The following RBFOX1 variants were observed in gnomAD, a reference collection of about 807,000 sequenced individuals.
The protein encoded by RBFOX1 is RNA binding fox-1 homolog 1.
Under a neutral mutation model 57.7 loss-of-function variants are expected in RBFOX1, and 8 were observed. The ratio of observed to expected loss-of-function variants is 0.14; its 90% CI spans 0.08 to 0.25. RBFOX1 has a LOEUF of 0.25. RBFOX1 is among the 10% of genes least tolerant of loss of function. The pLI, the probability that RBFOX1 is intolerant of heterozygous loss-of-function variation, is 1.00. For synonymous variants in RBFOX1, 326 were observed against 222.4 expected (o/e 1.47, Z -4.15); for missense variants, 611 against 548.5 (o/e 1.11, Z -1.14).
intron 14 of RBFOX1, among the ~76,000 whole-genome samples, chr16:7,701,288 C>T (rs2080618620): frequency 6.6e-6 from 1 of 151,962 alleles, no homozygotes; most frequent in East Asian, 1.9e-4. Flanking sequence ...CAACTGGACA[C>T]ACAGCAGGTG....
At position 5,840,290 on chromosome 16, in the gene RBFOX1, C is replaced by T. The variant is rs930983530; in HGVS notation, c.319-27013C>T. Among the ~76,000 whole-genome samples the T allele has an allele frequency of 3.5e-4, 54 of 152,282 alleles. 1 individual carries two copies. Among genetic ancestry groups the T allele is most frequent in the Admixed American group, 3.0e-3 (46 of 15,298 alleles). ...GCGCTGTCCTTGGTTGAACCAGAGGCAGAACATCTGCATGGCAGTGAATCA... is the reference window on the plus strand; with the variant it reads ...GCGCTGTCCTTGGTTGAACCAGAGGTAGAACATCTGCATGGCAGTGAATCA... On this transcript the variant is annotated intron_variant, in intron 3 of 19. Coordinates refer to the RBFOX1 transcript ENST00000641259.
chr16:6,269,717 A>C (rs1671595343), intron 1 of RBFOX1, among the ~76,000 whole-genome samples: 1 of 152,216 alleles, frequency 6.6e-6, no homozygotes, highest in African/African-American at 2.4e-5. Context: ...CAGCTGGTCT[A>C]CCTTAAAAGA....
At chr16:6,842,629 A>C in intron 3 of RBFOX1, among the ~76,000 whole-genome samples, 1 of 108,768 alleles carries the variant, frequency 9.2e-6, no homozygotes, top group Admixed American at 9.8e-5. Context: ...AGACATTTAG[A>C]CTGTTTTTTT....
intron 3 of RBFOX1, among the ~76,000 whole-genome samples, chr16:6,824,020 T>C (rs2091762029): frequency 6.6e-6 from 1 of 152,190 alleles, no homozygotes; most frequent in Admixed American, 6.5e-5. Context: ...GTGGAGAAAG[T>C]GTAGAGTTCT....
intron 1 of RBFOX1, among the ~76,000 whole-genome samples, chr16:5,451,279 G>A (rs2068418760): frequency 1.3e-5 from 2 of 152,148 alleles, no homozygotes; most frequent in Admixed American, 1.3e-4. Flanking sequence ...GAAGGATCAG[G>A]AAATGAGAGA....
intron 4 of RBFOX1, among the ~76,000 whole-genome samples, chr16:7,103,974 C>G (rs1049177256): frequency 2.0e-5 from 3 of 152,190 alleles, no homozygotes; most frequent in Non-Finnish European, 2.9e-5. Flanking sequence ...GTTTACACAA[C>G]TTGCTCCCTA....
intron 3 of RBFOX1, among the ~76,000 whole-genome samples, chr16:6,939,291 G>C (rs544798868): frequency 1.1e-4 from 16 of 151,970 alleles, no homozygotes; most frequent in Non-Finnish European, 1.6e-4. Context: ...TCATTATTTT[G>C]GGCCAATTTT....
chr16:7,337,876 G>T (rs1336789641), intron 4 of RBFOX1, among the ~76,000 whole-genome samples: 2 of 152,114 alleles, frequency 1.3e-5, no homozygotes, highest in Non-Finnish European at 2.9e-5. Flanking sequence ...GTAGAGACAG[G>T]GTTTCACCAT....
chr16:7,102,674 A>C (rs1229223041), intron 4 of RBFOX1, among the ~76,000 whole-genome samples: 1 of 152,304 alleles, frequency 6.6e-6, no homozygotes, highest in African/African-American at 2.4e-5. Context: ...ATTTCTCGCT[A>C]ATCTTGCACA....
intron 1 of RBFOX1, among the ~76,000 whole-genome samples, chr16:5,305,939 C>T (rs2063921615): frequency 6.6e-6 from 1 of 152,042 alleles, no homozygotes; most frequent in Non-Finnish European, 1.5e-5. Flanking sequence ...GTCTGTAGTC[C>T]CAATTACTCA....
chr16:6,986,600 C>G (rs548543269), intron 3 of RBFOX1, among the ~76,000 whole-genome samples: 1 of 152,154 alleles, frequency 6.6e-6, no homozygotes, highest in African/African-American at 2.4e-5. Context: ...CCCAGAATCA[C>G]CAGTTTTTAA....
At chr16:7,241,154 G>GA (rs34535311) in intron 4 of RBFOX1, among the ~76,000 whole-genome samples, 2 of 152,180 alleles carry the variant, frequency 1.3e-5, no homozygotes, top group Non-Finnish European at 2.9e-5. Flanking sequence ...TTTGGAAAAT[G>GA]AAAAATCCAC....
At chr16:6,278,296 A>T (rs2076034660) in intron 1 of RBFOX1, among the ~76,000 whole-genome samples, 1 of 138,118 alleles carries the variant, frequency 7.2e-6, no homozygotes, top group Non-Finnish European at 1.5e-5. Flanking sequence ...CCTTCCTTTT[A>T]AGAATGATTC....
intron 2 of RBFOX1, among the ~76,000 whole-genome samples, chr16:6,517,313 C>G (rs527614029): frequency 6.6e-6 from 1 of 152,148 alleles, no homozygotes; most frequent in African/African-American, 2.4e-5. Flanking sequence ...CTCCCTTCAC[C>G]TTTAGTATTC....
chr16:6,265,220 A>G (rs1409399852), intron 1 of RBFOX1, among the ~76,000 whole-genome samples: 1 of 152,064 alleles, frequency 6.6e-6, no homozygotes, highest in African/African-American at 2.4e-5. Flanking sequence ...GGGCCTCTCC[A>G]AGTGGCCCTA....
At chr16:6,698,385 G>C (rs1289738638) in intron 3 of RBFOX1, among the ~76,000 whole-genome samples, 1 of 152,106 alleles carries the variant, frequency 6.6e-6, no homozygotes, top group Admixed American at 6.6e-5. Context: ...ACAATGGATG[G>C]TTTAGCTACA....
At chr16:6,702,702 C>G (rs980642946) in intron 3 of RBFOX1, among the ~76,000 whole-genome samples, 1 of 152,152 alleles carries the variant, frequency 6.6e-6, no homozygotes, top group Non-Finnish European at 1.5e-5. Flanking sequence ...ACGGCAGATA[C>G]TGTTCTCTCT....
intron 1 of RBFOX1, among the ~76,000 whole-genome samples, chr16:6,065,806 G>C (rs187804366): frequency 2.2e-4 from 33 of 152,220 alleles, no homozygotes; most frequent in Admixed American, 1.8e-3. Context: ...TTATAGATGA[G>C]AAAACAGAGG....
chr16:6,893,843 C>T lies in RBFOX1; in HGVS notation c.-15-158214C>T, dbSNP rs1014704812. Among the ~76,000 whole-genome samples, 8 of 152,118 alleles carry T rather than the reference C, an allele frequency of 5.3e-5. No individual in the cohort carries two copies. The East Asian group carries it at 1.5e-3, about 29-fold the overall frequency. On this transcript the variant is annotated intron_variant, in intron 3 of 15. Transcript: ENST00000550418. ...TAAAAATATGCTTAATACTTCAGGG[C>T]CAATGGAATGAATTGTATGGGGAAT...
Sources: allele counts gnomAD v4.1 joint callset (sites outside exome capture counted in the v4.1 genomes callset), GRCh38; gene constraint gnomAD v4.1.1; transcripts MANE v1.5; gene names NCBI Gene and HGNC (gene_info 2026-07-23, HGNC 2026-07-21).